FANCL: variants seen among roughly 807,000 people sequenced by gnomAD.
FANCL encodes E3 ubiquitin-protein ligase FANCL.
FANCL carries 69 observed loss-of-function variants against 59.4 expected under a neutral mutation model. The ratio of observed to expected loss-of-function variants is 1.16; its 90% CI spans 0.96 to 1.42. FANCL has a LOEUF of 1.42. Ranked by LOEUF, FANCL falls within the 40% of genes most tolerant of loss-of-function variation. FANCL has a pLI of 0.00. For synonymous variants in FANCL, 180 were observed against 147.1 expected (o/e 1.22, Z -1.62); for missense variants, 519 against 447.2 (o/e 1.16, Z -1.45).
chr2:58,227,093 G>A (rs1469915757), intron 3 of FANCL, among the ~76,000 whole-genome samples: 2 of 152,134 alleles, frequency 1.3e-5, no homozygotes, highest in South Asian at 4.1e-4. Context: ...CCCCTTGCAG[G>A]GCATGCGATG....
intron 7 of FANCL, among the ~76,000 whole-genome samples, chr2:58,185,774 C>G (rs1688339524): frequency 1.3e-5 from 2 of 152,088 alleles, no homozygotes; most frequent in Admixed American, 1.3e-4. Context: ...TTAAGAAGCA[C>G]AAGTTAAGGA....
At chr2:58,226,549 T>A (rs1228756709) in intron 4 of FANCL, among the ~76,000 whole-genome samples, 179 bp downstream of exon 4, 2 of 152,160 alleles carry the variant, frequency 1.3e-5, no homozygotes, top group Non-Finnish European at 1.5e-5. Context: ...CGAACAGTTA[T>A]GTCCCTCATG....
chr2:58,215,746 T>C (rs1333212326), intron 5 of FANCL, among the ~76,000 whole-genome samples: 1 of 148,882 alleles, frequency 6.7e-6, no homozygotes, highest in Non-Finnish European at 1.5e-5. Flanking sequence ...CTCTTGAGGA[T>C]AGAGAGAGAA....
chr2:58,187,547 C>G (rs1034926888), intron 7 of FANCL, among the ~76,000 whole-genome samples: 1 of 151,594 alleles, frequency 6.6e-6, no homozygotes, highest in African/African-American at 2.4e-5. Context: ...CACACGTACC[C>G]TAAAACTTAA....
At chr2:58,176,131 G>A (rs903623930) in intron 7 of FANCL, among the ~76,000 whole-genome samples, 5 of 151,654 alleles carry the variant, frequency 3.3e-5, no homozygotes, top group African/African-American at 1.2e-4. Context: ...AATAAAAGAG[G>A]ATACAAACAA....
At chr2:58,176,506 C>T (rs1687334810) in intron 7 of FANCL, among the ~76,000 whole-genome samples, 1 of 152,084 alleles carries the variant, frequency 6.6e-6, no homozygotes, top group South Asian at 2.1e-4. Context: ...CGTTGACAAA[C>T]CTGAGAAACA....
At chr2:58,181,320 T>G (rs1157893250) in intron 7 of FANCL, among the ~76,000 whole-genome samples, 2 of 152,016 alleles carry the variant, frequency 1.3e-5, no homozygotes, top group East Asian at 1.9e-4. Context: ...ACTGTATGCC[T>G]CTGTTTATAA....
intron 3 of FANCL, among the ~76,000 whole-genome samples, chr2:58,229,027 T>C (rs1052370549): frequency 1.3e-5 from 2 of 152,206 alleles, no homozygotes; most frequent in Non-Finnish European, 2.9e-5. Context: ...GTAATTATAT[T>C]GCCAGGATGA....
chr2:58,161,677 C>T, intron 11 of FANCL, 39 bp from the exon 12 acceptor site: 2 of 1,333,562 alleles, frequency 1.5e-6, no homozygotes, highest in Non-Finnish European at 2.2e-6. Flanking sequence ...GTATGTGTCT[C>T]ACTAACTTAT....
At chr2:58,234,766 A>G (rs1693863507) in intron 1 of FANCL, among the ~76,000 whole-genome samples, 1 of 152,028 alleles carries the variant, frequency 6.6e-6, no homozygotes, top group African/African-American at 2.4e-5. Context: ...AACAGAATAT[A>G]ATTGGAAACA....
chr2:58,198,962 G>A (rs1490925460), intron 6 of FANCL, among the ~76,000 whole-genome samples: 5 of 150,566 alleles, frequency 3.3e-5, no homozygotes, highest in African/African-American at 4.9e-5. Flanking sequence ...CTGGGAGGCG[G>A]AGATGGCAGT....
chr2:58,184,489 G>T (rs80298100), intron 7 of FANCL, among the ~76,000 whole-genome samples: 1,741 of 152,102 alleles, frequency 0.011, 28 homozygotes, highest in African/African-American at 0.039. Context: ...CTTAAATACA[G>T]TGAAGATCCA....
chr2:58,162,367 T>C (rs1226024604), intron 11 of FANCL, among the ~76,000 whole-genome samples: 1 of 152,000 alleles, frequency 6.6e-6, no homozygotes, highest in Non-Finnish European at 1.5e-5. Context: ...CATTAGCTAC[T>C]TTGGAGTTCT....
Position 58,210,444 on chromosome 2 carries a change from G to C in FANCL, c.375-6218C>G, listed in dbSNP as rs147428564. Among the ~76,000 whole-genome samples, 726 of 152,182 alleles carry C rather than the reference G, an allele frequency of 4.8e-3. 8 individuals are homozygous for C. Among genetic ancestry groups the C allele is most frequent in the African/African-American group, 0.017 (690 of 41,508 alleles). On this transcript the variant is annotated intron_variant, in intron 5 of 13. Coordinates refer to ENST00000233741, the MANE Select transcript of FANCL (RefSeq NM_018062.4). ...CCTCCCACAACACATGAGAACTGTG[G>C]GAGTACAATTCAAGATGAGACTTGG...
chr2:58,228,014 A>G (rs1693202935), intron 3 of FANCL, among the ~76,000 whole-genome samples: 1 of 152,220 alleles, frequency 6.6e-6, no homozygotes, highest in Non-Finnish European at 1.5e-5. Context: ...AACTCTATGT[A>G]ATTTTTAAAA....
rs1403549785 is a variant in FANCL, at chr2:58,159,794, T to G, written c.1099A>C (p.Thr367Pro). 2 of 1,611,948 alleles carry G rather than the reference T, an allele frequency of 1.2e-6. No individual in the cohort carries two copies. The highest frequency in any genetic ancestry group is 1.7e-6 in the Non-Finnish European group (2 of 1,178,886). The change falls in exon 14 of 14, where the codon ACC becomes CCC. Residue 367 changes from threonine to proline, a missense_variant. Transcript: ENST00000233741. ...GECPYCSKPI[T>P]LKMSGRKH The stretch of plus-strand genomic sequence containing the variant: ...TGTTTCCTTCCAGACATTTTTAAGG[T>G]AATTGGCTTTAAAAAGAGAACATAT...
At chr2:58,200,954 T>G (rs981738261) in intron 6 of FANCL, among the ~76,000 whole-genome samples, 1 of 151,482 alleles carries the variant, frequency 6.6e-6, no homozygotes, top group East Asian at 1.9e-4. Context: ...ATTACATTCA[T>G]GTGCAAAATC....
intron 7 of FANCL, among the ~76,000 whole-genome samples, chr2:58,170,731 C>A (rs2104859572): frequency 6.7e-6 from 1 of 150,066 alleles, no homozygotes; most frequent in South Asian, 2.1e-4. Context: ...ATACCAGTAT[C>A]TGATAAAACA....
At chr2:58,190,560 T>C (rs1273540972) in intron 7 of FANCL, among the ~76,000 whole-genome samples, 3 of 151,434 alleles carry the variant, frequency 2.0e-5, no homozygotes, top group South Asian at 2.1e-4. Flanking sequence ...AGTTAGGTTA[T>C]ACCCAAAAGG....
Sources: gnomAD v4.1 joint callset for allele counts (sites outside exome capture counted in the v4.1 genomes callset) on GRCh38, gnomAD v4.1.1 for gene constraint, MANE v1.5 for transcripts, NCBI Gene and HGNC (gene_info 2026-07-23, HGNC 2026-07-21) for gene names.